COL3A1: variants seen among roughly 807,000 people sequenced by gnomAD.
COL3A1 encodes collagen type III alpha 1 chain.
Under a neutral mutation model 200.9 loss-of-function variants are expected in COL3A1, and 46 were observed. The observed-to-expected ratio is 0.23, with a 90% CI of 0.18 to 0.29. The LOEUF (loss-of-function observed/expected upper bound fraction) is 0.29. Ranked by LOEUF, COL3A1 falls within the 10% of genes least tolerant of loss-of-function variation. COL3A1 has a pLI of 1.00. For synonymous variants in COL3A1, 650 were observed against 628.0 expected (o/e 1.03, Z -0.52); for missense variants, 1,367 against 1,917.6 (o/e 0.71, Z 5.36).
intron 24 of COL3A1, 75 bp downstream of exon 24, chr2:188,996,571 G>A: frequency 8.0e-7 from 1 of 1,243,770 alleles, no homozygotes; most frequent in Non-Finnish European, 1.2e-6. Context: ...GTAAAGAAAT[G>A]GTCAAAACTC....
Position 188,987,016 on chromosome 2 carries a change from C to T in COL3A1, c.448-43C>T, listed in dbSNP as rs777617252. The T allele has an allele frequency of 4.6e-6, 7 of 1,520,676 alleles. No homozygotes were observed. The Admixed American group carries it at 1.0e-4, about 22-fold the overall frequency. The allele number at this position is 1,520,676 out of a possible 1,614,324, so 94.2% of individuals were successfully genotyped here. ...AAATGCTTTTTAAAAGAATTATGAA[C>T]TGTCTGTTAAAATGATCATATCTAT... On this transcript the variant is annotated intron_variant, in intron 4 of 50. Transcript: ENST00000304636.
chr2:188,978,412 G>A (rs1335424619), intron 1 of COL3A1, among the ~76,000 whole-genome samples: 10 of 151,892 alleles, frequency 6.6e-5, no homozygotes, highest in Admixed American at 2.0e-4. Flanking sequence ...CTACATCTAC[G>A]GTCACATGCT....
rs1688703659 is a variant in COL3A1 at position 189,010,686 on chromosome 2, T to C, written c.4050T>C (p.Leu1350=). ...ATCCTGAACTTCCTGAAGATGTCCT[T>C]GATGTGCATCTGGCATTCCTTCGAC... The part of the protein sequence containing the change: ...YGNPELPEDV[L]DVHLAFLRLL... Residue 1350 remains leucine, a synonymous_variant, in exon 50 of 51, where the codon CTT becomes CTC. Coordinates refer to ENST00000304636, the MANE Select transcript of COL3A1 (RefSeq NM_000090.4). The C allele has an allele frequency of 6.2e-7, 1 of 1,614,054 alleles. No individual in the cohort carries two copies. The highest frequency in any genetic ancestry group is 1.1e-5 in the South Asian group (1 of 91,088).
At chr2:188,980,398 TTTTA>T (rs370500859) in intron 1 of COL3A1, among the ~76,000 whole-genome samples, 210 of 18,946 alleles carry the variant, frequency 0.011, 2 homozygotes, top group Middle Eastern at 0.042. Context: ...AAGATTAATC[TTTTA>T]GACAATTCTA....
intron 7 of COL3A1, 104 bp from the exon 8 acceptor site, chr2:188,989,292 A>G: frequency 2.6e-6 from 2 of 776,154 alleles, no homozygotes; most frequent in Non-Finnish European, 4.3e-6. Flanking sequence ...CATTAAAAGT[A>G]TTTTCTAAAA....
In COL3A1 at chr2:189,009,026, G is replaced by A. The variant is rs1409001837; in HGVS notation, c.3628G>A (p.Gly1210Ser). The change falls in exon 48 of 51, where the codon GGT (glycine) becomes AGT (serine). Residue 1210 changes from glycine (G) to serine (S), a missense_variant. Around this residue, in one of 5 missense-constraint regions of COL3A1, gnomAD observed 846 missense variants for 1,147.9 expected, o/e 0.74. Transcript: ENST00000304636. ...VGAAAIAGIG[G>S]EKAGGFAPYY... ...AGCCGCTGCCATTGCTGGGATTGGA[G>A]GTGAAAAAGCTGGCGGTTTTGCCCC... 6.2e-7 allele frequency: 1 copy of A among 1,614,166 alleles called. No homozygotes were observed. The highest frequency in any genetic ancestry group is 8.5e-7 in the Non-Finnish European group (1 of 1,180,026).
At position 189,011,630 on chromosome 2, in the gene COL3A1, A is replaced by G. The variant is rs754723643; in HGVS notation, c.4257A>G (p.Lys1419=). The G allele has an allele frequency of 5.6e-6, 9 of 1,613,972 alleles. No homozygotes were observed. The highest frequency in any genetic ancestry group is 1.7e-5 in the Admixed American group (1 of 60,008). The stretch of plus-strand genomic sequence containing the variant: ...GTACATTTTGTCCTTTTTTACAGAA[A>G]CACACTGGGGAATGGAGCAAAACAG... The part of the protein sequence containing the change: ...TYTVLEDGCT[K]HTGEWSKTVF... The change falls in exon 51 of 51, where the codon AAA becomes AAG. Residue 1419 remains lysine, a splice_region_variant and synonymous_variant. Coordinates refer to ENST00000304636, the MANE Select transcript of COL3A1 (RefSeq NM_000090.4).
intron 41 of COL3A1, 79 bp from the exon 42 acceptor site, chr2:189,006,127 G>T: frequency 7.0e-7 from 1 of 1,437,264 alleles, no homozygotes; most frequent in Non-Finnish European, 9.7e-7. Context: ...GAATTATATT[G>T]CCCTGCTGAG....
At chr2:188,997,545 T>C (rs918247399) in intron 26 of COL3A1, among the ~76,000 whole-genome samples, 155 bp from the exon 27 acceptor site, 6 of 152,212 alleles carry the variant, frequency 3.9e-5, no homozygotes, top group Admixed American at 2.6e-4. Flanking sequence ...AATGCTAGCA[T>C]TGAGTTTAGA....
rs1688692242 is a variant in COL3A1, at chr2:189,010,282, G to A, written c.3928G>A (p.Val1310Ile). 1.2e-6 allele frequency: 2 copies of A among 1,614,062 alleles called. No homozygotes were observed. Among genetic ancestry groups the A allele is most frequent in the Non-Finnish European group, 1.7e-6 (2 of 1,180,026 alleles). Residue 1310 changes from valine (V) to isoleucine (I), a missense_variant, in exon 49 of 51, where the codon GTT (valine) becomes ATT (isoleucine). By Grantham distance (29) the Val-to-Ile change is conservative. Around this residue, in one of 5 missense-constraint regions of COL3A1, gnomAD observed 846 missense variants for 1,147.9 expected, o/e 0.74. Transcript: ENST00000304636. ...ETCISANPLN[V>I]PRKHWWTDSS... Reference sequence around the variant, plus strand: ...ATGCATAAGTGCCAATCCTTTGAATGTTCCACGGAAACACTGGTGGACAGA... The same window carrying A: ...ATGCATAAGTGCCAATCCTTTGAATATTCCACGGAAACACTGGTGGACAGA...
intron 1 of COL3A1, chr2:188,978,268 C>G (rs997029552): frequency 5.6e-6 from 1 of 177,668 alleles, no homozygotes; most frequent in Non-Finnish European, 1.3e-5. Context: ...TGATTAAATG[C>G]CTCTTAACTA....
intron 43 of COL3A1, 116 bp from the exon 44 acceptor site, chr2:189,006,821 T>C (rs1662693230): frequency 4.7e-6 from 5 of 1,056,566 alleles, no homozygotes; most frequent in South Asian, 2.7e-5. Flanking sequence ...CTTCCAATAA[T>C]TGCATGCATA....
chr2:189,001,318 T>C lies in COL3A1; in HGVS notation c.2284-79T>C, dbSNP rs142017245. 2.6e-4 allele frequency: 344 copies of C among 1,347,520 alleles called. 5 individuals carry two copies. The Admixed American group carries it at 5.2e-3, about 20-fold the overall frequency. The allele number at this position is 1,347,520 out of a possible 1,614,324, so 83.5% of individuals were successfully genotyped here. A position where few individuals can be genotyped will look rare whatever the true frequency, so the allele number is the denominator to read the frequency against. Reference sequence around the variant, plus strand: ...TTATCTAGTTTATTAGGTATCTATGTCTATATACTTTCTGTTTGATTAATG... The same window carrying C: ...TTATCTAGTTTATTAGGTATCTATGCCTATATACTTTCTGTTTGATTAATG... On this transcript the variant is annotated intron_variant, in intron 32 of 50. Coordinates refer to ENST00000304636, the MANE Select transcript of COL3A1 (RefSeq NM_000090.4).
Position 188,996,280 on chromosome 2 carries a change from ATATG to A in COL3A1, c.1662+106_1662+109del, listed in dbSNP as rs751184473. ...TGTGTGTGTGTGTGTGTATATATAT[ATATG>A]TATATGTATATCTATATATATACAC... On this transcript the variant is annotated intron_variant, in intron 23 of 50. Coordinates refer to ENST00000304636, the MANE Select transcript of COL3A1 (RefSeq NM_000090.4). 0.012 allele frequency: 9,525 copies of A among 779,454 alleles called. 280 individuals carry two copies. Among genetic ancestry groups the A allele is most frequent in the African/African-American group, 0.11 (4,124 of 36,466 alleles). The allele number at this position is 779,454 out of a possible 1,614,324, so 48.3% of individuals were successfully genotyped here. A position where few individuals can be genotyped will look rare whatever the true frequency, so the allele number is the denominator to read the frequency against.
chr2:189,005,225 A>T, intron 40 of COL3A1, 125 bp from the exon 41 acceptor site: 1 of 920,892 alleles, frequency 1.1e-6, no homozygotes, highest in Non-Finnish European at 1.7e-6. Flanking sequence ...GCATAGTTTT[A>T]ATTTTAAAAT....
At chr2:188,977,964 G>C (rs6752549) in intron 1 of COL3A1, 12,959 of 276,738 alleles carry the variant, frequency 0.047, 1,389 homozygotes, top group African/African-American at 0.25. Flanking sequence ...AGTAAATAAA[G>C]TATTATAACA....
intron 21 of COL3A1, 63 bp from the exon 22 acceptor site, chr2:188,995,629 A>G (rs1467025959): frequency 2.6e-6 from 3 of 1,134,230 alleles, no homozygotes; most frequent in Non-Finnish European, 3.9e-6. Context: ...TAACCAAAAT[A>G]TTGTTGCTAT....
In COL3A1 at chr2:189,009,172, C is replaced by T. The variant is rs149790711; in HGVS notation, c.3774C>T (p.Pro1258=). The change falls in exon 48 of 51, where the codon CCC becomes CCT. Residue 1258 remains proline, a synonymous_variant. Transcript: ENST00000304636. ...GTCCTGATGGTTCTCGTAAAAACCCCGCTAGAAACTGCAGAGACCTGAAAT... is the reference window on the plus strand; with the variant it reads ...GTCCTGATGGTTCTCGTAAAAACCCTGCTAGAAACTGCAGAGACCTGAAAT... ...LISPDGSRKN[P]ARNCRDLKFC... The T allele has an allele frequency of 9.1e-5, 147 of 1,614,048 alleles. 1 individual carries two copies. In the African/African-American group the frequency reaches 1.5e-3, roughly 16 times the overall value.
At chr2:188,986,894 C>T (rs1376431155) in intron 4 of COL3A1, among the ~76,000 whole-genome samples, 165 bp from the exon 5 acceptor site, 1 of 152,002 alleles carries the variant, frequency 6.6e-6, no homozygotes, top group Non-Finnish European at 1.5e-5. Context: ...TCTAAATCTA[C>T]AGAAAGACAC....
Sources: allele counts gnomAD v4.1 joint callset (sites outside exome capture counted in the v4.1 genomes callset), GRCh38; gene constraint gnomAD v4.1.1; regional missense constraint gnomAD v4.1.1; transcripts MANE v1.5; gene names NCBI Gene and HGNC (gene_info 2026-07-23, HGNC 2026-07-21).